The following CTNNBL1 variants were observed in gnomAD, a reference collection of about 807,000 sequenced individuals.
CTNNBL1 encodes catenin beta like 1, also known as beta-catenin-like protein 1.
Under a neutral mutation model 72.7 loss-of-function variants are expected in CTNNBL1, and 31 were observed. The ratio of observed to expected loss-of-function variants is 0.43; its 90% CI spans 0.32 to 0.58. The LOEUF is 0.58. Ranked by LOEUF, CTNNBL1 falls within the 20% of genes least tolerant of loss-of-function variation. The probability of loss-of-function intolerance (pLI) is 0.08; values close to 1 mark genes in which losing one functional copy is unlikely to be tolerated. For missense variants in CTNNBL1, 534 were observed against 725.1 expected (o/e 0.74, Z 3.03); for synonymous variants, 240 against 267.3 (o/e 0.90, Z 1.00).
Position 37,803,043 on chromosome 20 carries a change from A to T in CTNNBL1, c.1208A>T (p.His403Leu). 6.2e-7 allele frequency: 1 copy of T among 1,613,790 alleles called. No individual in the cohort carries two copies. Among genetic ancestry groups the T allele is most frequent in the Non-Finnish European group, 8.5e-7 (1 of 1,179,744 alleles). ...IKKVGTTEKEHEEHVCSILAS... is the reference protein window; with the variant it reads ...IKKVGTTEKELEEHVCSILAS... ...AAAGTGGGAACCACTGAGAAGGAAC[A>T]TGAAGGTAGGGTTCACTGGAGGAGT... Residue 403 changes from histidine to leucine, a missense_variant, in exon 11 of 16, where the codon CAT (histidine) becomes CTT (leucine). His to Leu is a moderately conservative substitution (Grantham distance 99, BLOSUM62 -3). Transcript: ENST00000361383.
intron 14 of CTNNBL1, 98 bp downstream of exon 14, chr20:37,860,134 C>G: frequency 6.6e-7 from 1 of 1,517,700 alleles, no homozygotes; most frequent in Non-Finnish European, 9.1e-7. Flanking sequence ...GGGGGTCACG[C>G]TCTCCTTGAA....
intron 5 of CTNNBL1, among the ~76,000 whole-genome samples, chr20:37,764,956 G>C (rs1373182856): frequency 6.6e-6 from 1 of 152,106 alleles, no homozygotes; most frequent in East Asian, 1.9e-4. Context: ...TACTTTGTCT[G>C]CTTGAGCTCC....
chr20:37,818,352 G>A (rs2072077499), intron 11 of CTNNBL1, among the ~76,000 whole-genome samples: 1 of 152,192 alleles, frequency 6.6e-6, no homozygotes, highest in African/African-American at 2.4e-5. Flanking sequence ...AACTTTGGGA[G>A]ATCCTCCAGT....
Position 37,694,404 on chromosome 20 carries a change from T to A in CTNNBL1, c.30+252T>A, listed in dbSNP as rs548671746. On this transcript the variant is annotated intron_variant, in intron 1 of 15. Transcript: ENST00000361383. ...CTGGGGCCTGGTTCCCTGAAACTCC[T>A]CTGAAACCCCAGACTATCCTTTTTT... 1.6e-3 allele frequency among the ~76,000 whole-genome samples: 243 copies of A among 152,252 alleles called. 1 individual carries two copies. The highest frequency in any genetic ancestry group is 5.6e-3 in the African/African-American group (234 of 41,546).
chr20:37,763,415 C>T (rs1399726900), intron 5 of CTNNBL1, among the ~76,000 whole-genome samples: 1 of 152,168 alleles, frequency 6.6e-6, no homozygotes, highest in African/African-American at 2.4e-5. Context: ...CTTCAAATAG[C>T]ATCCCCTCCT....
At chr20:37,702,542 A>G (rs887814281) in intron 1 of CTNNBL1, among the ~76,000 whole-genome samples, 1 of 152,182 alleles carries the variant, frequency 6.6e-6, no homozygotes, top group African/African-American at 2.4e-5. Context: ...TCAGTTTAGT[A>G]CATTTTGAAG....
chr20:37,721,731 T>C (rs1221794205), intron 1 of CTNNBL1, among the ~76,000 whole-genome samples: 1 of 152,246 alleles, frequency 6.6e-6, no homozygotes, highest in South Asian at 2.1e-4. Flanking sequence ...ATTATTCTCA[T>C]GTACTTTTTT....
chr20:37,857,328 G>A (rs150086355), intron 13 of CTNNBL1, among the ~76,000 whole-genome samples: 1 of 152,220 alleles, frequency 6.6e-6, no homozygotes, highest in Non-Finnish European at 1.5e-5. Flanking sequence ...TGATTTGCCA[G>A]GCAGTGCAGG....
At chr20:37,845,246 G>T (rs775363500) in intron 13 of CTNNBL1, among the ~76,000 whole-genome samples, 8 of 152,200 alleles carry the variant, frequency 5.3e-5, no homozygotes, top group Non-Finnish European at 1.0e-4. Context: ...GGGAGACCTA[G>T]TAAGTGGCTG....
At chr20:37,748,868 G>T (rs1032095146) in intron 4 of CTNNBL1, among the ~76,000 whole-genome samples, 2 of 152,212 alleles carry the variant, frequency 1.3e-5, no homozygotes, top group Non-Finnish European at 2.9e-5. Context: ...ATGAATCTGT[G>T]GGGGGATATA....
intron 11 of CTNNBL1, among the ~76,000 whole-genome samples, chr20:37,825,425 A>G (rs774679603): frequency 4.6e-5 from 7 of 152,208 alleles, no homozygotes; most frequent in Non-Finnish European, 1.0e-4. Flanking sequence ...CTGTAATCCC[A>G]GCACTTTGGG....
At chr20:37,702,915 C>T (rs2072856231) in intron 1 of CTNNBL1, among the ~76,000 whole-genome samples, 1 of 152,134 alleles carries the variant, frequency 6.6e-6, no homozygotes, top group South Asian at 2.1e-4. Flanking sequence ...GGTTGTTTCC[C>T]CTTCTGGAAA....
At chr20:37,711,620 AG>A (rs759787142) in intron 1 of CTNNBL1, among the ~76,000 whole-genome samples, 2 of 150,536 alleles carry the variant, frequency 1.3e-5, no homozygotes, top group Non-Finnish European at 3.0e-5. Context: ...AGGAATATGA[AG>A]GAAAAAAATA....
chr20:37,814,381 G>C (rs533268099), intron 11 of CTNNBL1, among the ~76,000 whole-genome samples: 1 of 152,022 alleles, frequency 6.6e-6, no homozygotes, highest in Non-Finnish European at 1.5e-5. Context: ...TGTGCCTCTT[G>C]TTGGCCTTCA....
chr20:37,694,268 A>C, intron 1 of CTNNBL1, 116 bp downstream of exon 1: 9 of 905,676 alleles, frequency 9.9e-6, no homozygotes, highest in East Asian at 3.1e-5. Context: ...CTAACTTCTC[A>C]TGCCACCCGG....
chr20:37,836,215 A>G (rs2122802829), intron 11 of CTNNBL1, among the ~76,000 whole-genome samples: 1 of 152,354 alleles, frequency 6.6e-6, no homozygotes, highest in South Asian at 2.1e-4. Context: ...GGAAATACAA[A>G]AAATTTATCA....
chr20:37,769,835 G>T (rs1043904074), intron 7 of CTNNBL1, among the ~76,000 whole-genome samples: 1 of 152,220 alleles, frequency 6.6e-6, no homozygotes, highest in Non-Finnish European at 1.5e-5. Context: ...AGTCTGGGGT[G>T]TATCAGGTCA....
At chr20:37,732,167 T>C (rs994807242) in intron 1 of CTNNBL1, among the ~76,000 whole-genome samples, 1 of 152,242 alleles carries the variant, frequency 6.6e-6, no homozygotes, top group African/African-American at 2.4e-5. Flanking sequence ...TTAGTGATGG[T>C]AAGCATTTTT....
intron 11 of CTNNBL1, among the ~76,000 whole-genome samples, chr20:37,827,045 A>G (rs938315010): frequency 6.6e-6 from 1 of 152,092 alleles, no homozygotes; most frequent in Non-Finnish European, 1.5e-5. Context: ...CTGAGTTTTT[A>G]CCATAGATTA....
Sources: gnomAD v4.1 joint callset for allele counts (sites outside exome capture counted in the v4.1 genomes callset) on GRCh38, gnomAD v4.1.1 for gene constraint, MANE v1.5 for transcripts, NCBI Gene and HGNC (gene_info 2026-07-23, HGNC 2026-07-21) for gene names.